NELL2: variants seen among roughly 807,000 people sequenced by gnomAD.
NELL2 encodes the protein protein kinase C-binding protein NELL2.
In NELL2, 41 loss-of-function variants were observed where a neutral mutation model predicts 109.6. The observed-to-expected ratio is 0.37, with a 90% CI of 0.29 to 0.49. The LOEUF (loss-of-function observed/expected upper bound fraction) is 0.49, where lower values mean the gene tolerates loss of function less well. Ranked by LOEUF, NELL2 falls within the 20% of genes least tolerant of loss-of-function variation. The pLI is 0.98. For synonymous variants in NELL2, 355 were observed against 344.7 expected (o/e 1.03, Z -0.33); for missense variants, 900 against 1,008.3 (o/e 0.89, Z 1.45).
chr12:44,615,292 A>G (rs1945779402), intron 13 of NELL2, among the ~76,000 whole-genome samples: 1 of 151,946 alleles, frequency 6.6e-6, no homozygotes, highest in Admixed American at 6.6e-5. Context: ...CCATTCACAT[A>G]CTTTGTCTCT....
chr12:44,564,424 T>C (rs1277924830), intron 15 of NELL2, among the ~76,000 whole-genome samples: 4 of 152,228 alleles, frequency 2.6e-5, no homozygotes, highest in African/African-American at 9.6e-5. Context: ...GGGCTGACTA[T>C]TTCTGTTTTC....
intron 3 of NELL2, among the ~76,000 whole-genome samples, chr12:44,784,243 C>T (rs1399236037): frequency 6.6e-6 from 1 of 152,024 alleles, no homozygotes; most frequent in African/African-American, 2.4e-5. Context: ...TTCTCTCTAA[C>T]ATCAGAACAA....
chr12:44,629,930 A>C (rs1201090607), intron 13 of NELL2, among the ~76,000 whole-genome samples: 1 of 152,164 alleles, frequency 6.6e-6, no homozygotes, highest in Non-Finnish European at 1.5e-5. Context: ...GACATTTCCA[A>C]GTAGAATCAC....
intron 2 of NELL2, among the ~76,000 whole-genome samples, chr12:44,830,781 G>A (rs1159388233): frequency 6.6e-6 from 1 of 151,856 alleles, no homozygotes; most frequent in Non-Finnish European, 1.5e-5. Context: ...CTACAAAGTT[G>A]AGCTTCTGCT....
In NELL2 at chr12:44,703,942, C is replaced by T. The variant is rs1937705239; in HGVS notation, c.1190-88G>A. On this transcript the variant is annotated intron_variant, in intron 11 of 19. Transcript: ENST00000429094. ...CTTAATATTTTCTTTAATTTTGAAG[C>T]TATGACTCCCTAAATAATTTTTTAA... 10 of 1,101,962 alleles carry T rather than the reference C, an allele frequency of 9.1e-6. No individual in the cohort carries two copies. The South Asian group carries it at 1.5e-4, about 16-fold the overall frequency. The allele number at this position is 1,101,962 out of a possible 1,614,324, so 68.3% of individuals were successfully genotyped here.
Position 44,676,307 on chromosome 12 carries a change from G to A in NELL2, c.1319-10698C>T, listed in dbSNP as rs1948314958. On this transcript the variant is annotated intron_variant, in intron 12 of 19. Coordinates refer to ENST00000429094, the MANE Select transcript of NELL2 (RefSeq NM_001145108.2). ...GAAAGAGATTTGAGAGTAACATTTG[G>A]GAAGATAAGAATTTTTTTAAATATA... Among the ~76,000 whole-genome samples the A allele has an allele frequency of 2.6e-5, 4 of 152,044 alleles. 1 individual carries two copies. In the South Asian group the frequency reaches 8.3e-4, roughly 32 times the overall value.
In NELL2 at chr12:44,600,549, T is replaced by C. The variant is rs930178318; in HGVS notation, c.1663+6620A>G. On this transcript the variant is annotated intron_variant, in intron 15 of 19. Transcript: ENST00000429094. ...ATAGACGTTCATCAGCTTATCTATA[T>C]AAAAAAATCAGAATTTATGAATGAG... 1.3e-5 allele frequency among the ~76,000 whole-genome samples: 2 copies of C among 152,296 alleles called. 1 individual carries two copies. The highest frequency in any genetic ancestry group is 1.3e-4 in the Admixed American group (2 of 15,298).
At chr12:44,752,656 T>C (rs1763599332) in intron 9 of NELL2, among the ~76,000 whole-genome samples, 1 of 152,156 alleles carries the variant, frequency 6.6e-6, no homozygotes, top group African/African-American at 2.4e-5. Context: ...CCTTGCTACA[T>C]TCCCTAAATA....
chr12:44,518,132 C>T (rs1941356737), intron 19 of NELL2, among the ~76,000 whole-genome samples: 1 of 151,902 alleles, frequency 6.6e-6, no homozygotes, highest in Admixed American at 6.6e-5. Context: ...ACTTATCTGA[C>T]AGAAAGAAAT....
At chr12:44,605,545 CAGTCTTAAAT>C (rs1945368299) in intron 15 of NELL2, among the ~76,000 whole-genome samples, 2 of 152,090 alleles carry the variant, frequency 1.3e-5, no homozygotes, top group South Asian at 4.1e-4. Flanking sequence ...TTTTTAACTC[CAGTCTTAAAT>C]ATTACATTGC....
At chr12:44,787,668 T>C (rs1177410860) in intron 3 of NELL2, among the ~76,000 whole-genome samples, 1 of 152,118 alleles carries the variant, frequency 6.6e-6, no homozygotes, top group Admixed American at 6.6e-5. Flanking sequence ...CCAACTGATT[T>C]TTTTACAAAA....
intron 10 of NELL2, among the ~76,000 whole-genome samples, chr12:44,711,699 G>A (rs1011672576): frequency 6.6e-6 from 1 of 151,960 alleles, no homozygotes; most frequent in African/African-American, 2.4e-5. Flanking sequence ...CATTTTGCAA[G>A]CCCAGATGAC....
chr12:44,837,671 A>G (rs1019546111), intron 2 of NELL2, among the ~76,000 whole-genome samples: 2 of 152,192 alleles, frequency 1.3e-5, no homozygotes, highest in African/African-American at 4.8e-5. Context: ...CAAACACTAT[A>G]GAAGAATTCA....
chr12:44,674,921 A>G (rs2136357246), intron 12 of NELL2, among the ~76,000 whole-genome samples: 1 of 152,332 alleles, frequency 6.6e-6, no homozygotes, highest in African/African-American at 2.4e-5. Flanking sequence ...CCTTTGGAAT[A>G]TAAGATTCAA....
intron 12 of NELL2, among the ~76,000 whole-genome samples, chr12:44,686,220 G>T (rs371362173): frequency 9.2e-5 from 14 of 152,126 alleles, no homozygotes; most frequent in South Asian, 6.2e-4. Flanking sequence ...CTCCTGAGGC[G>T]TCTGCATTCT....
chr12:44,835,502 G>A (rs535340906), intron 2 of NELL2, among the ~76,000 whole-genome samples: 14 of 152,274 alleles, frequency 9.2e-5, no homozygotes, highest in Non-Finnish European at 1.8e-4. Flanking sequence ...CCTGACCATC[G>A]TCCCAAAGCA....
chr12:44,524,097 C>G (rs928383471), intron 16 of NELL2, among the ~76,000 whole-genome samples: 68 of 152,238 alleles, frequency 4.5e-4, no homozygotes, highest in African/African-American at 1.4e-3. Flanking sequence ...TAATAATCAG[C>G]AATTACCATC....
intron 1 of NELL2, among the ~76,000 whole-genome samples, chr12:44,908,805 C>G (rs1238776418): frequency 6.6e-6 from 1 of 151,822 alleles, no homozygotes; most frequent in African/African-American, 2.4e-5. Flanking sequence ...GTGCTAATGA[C>G]CACACTAGAA....
intron 12 of NELL2, among the ~76,000 whole-genome samples, chr12:44,695,952 C>G (rs1303641215): frequency 1.3e-5 from 2 of 152,206 alleles, no homozygotes; most frequent in Admixed American, 6.5e-5. Flanking sequence ...CCACTGCACT[C>G]CAGCCTAGGC....
Sources: gnomAD v4.1 joint callset for allele counts (sites outside exome capture counted in the v4.1 genomes callset) on GRCh38, gnomAD v4.1.1 for gene constraint, MANE v1.5 for transcripts, NCBI Gene and HGNC (gene_info 2026-07-23, HGNC 2026-07-21) for gene names.